Variants in CENPC observed in about 807,000 individuals in gnomAD.
CENPC encodes the protein CENP-C 1.
In CENPC, 63 loss-of-function variants were observed where a neutral mutation model predicts 112.1. The observed-to-expected ratio is 0.56, with a 90% CI of 0.46 to 0.69. CENPC has a LOEUF of 0.69. CENPC is among the 30% of genes least tolerant of loss of function. The pLI, the probability that CENPC is intolerant of heterozygous loss-of-function variation, is 0.00. For synonymous variants in CENPC, 333 were observed against 367.6 expected, an observed-to-expected ratio of 0.91 and a Z score of 1.08; for missense variants, 1,000 against 1,103.8, an observed-to-expected ratio of 0.91 and a Z score of 1.33.
Position 67,514,086 on chromosome 4 carries a change from T to C in CENPC, c.1432A>G (p.Met478Val), listed in dbSNP as rs986820147. The change falls in exon 8 of 19, where the codon ATG (methionine) becomes GTG (valine). Residue 478 changes from methionine (M) to valine (V), a missense_variant. By Grantham distance (21) the Met-to-Val change is conservative. Coordinates refer to ENST00000273853, the MANE Select transcript of CENPC (RefSeq NM_001812.4). Reference protein sequence around the residue: ...MGNDCVSKKQMPPVGSKKSST... With the variant: ...MGNDCVSKKQVPPVGSKKSST... ...TATAAACACTTACCCACAGGTGGCATCTGTTTTTTGGAAACACAATCATTT... is the reference window on the plus strand; with the variant it reads ...TATAAACACTTACCCACAGGTGGCACCTGTTTTTTGGAAACACAATCATTT... The C allele has an allele frequency of 1.9e-6, 3 of 1,593,556 alleles. No homozygotes were observed. Among genetic ancestry groups the C allele is most frequent in the African/African-American group, 2.7e-5 (2 of 74,176 alleles).
chr4:67,513,735 A>C (rs1294199949), intron 8 of CENPC, among the ~76,000 whole-genome samples: 1 of 152,162 alleles, frequency 6.6e-6, no homozygotes, highest in East Asian at 1.9e-4. Context: ...CTCTATAAAA[A>C]ATAGTCCCAC....
chr4:67,475,881 G>A (rs117838702), intron 17 of CENPC, among the ~76,000 whole-genome samples: 7,923 of 152,184 alleles, frequency 0.052, 245 homozygotes, highest in Non-Finnish European at 0.067. Context: ...GAGCCACCGC[G>A]CCCAGCCCAA....
chr4:67,531,471 T>C (rs1476749986), intron 4 of CENPC, among the ~76,000 whole-genome samples: 2 of 152,208 alleles, frequency 1.3e-5, no homozygotes, highest in Non-Finnish European at 2.9e-5. Flanking sequence ...TTTTAGAATG[T>C]TCCCTCCATT....
intron 5 of CENPC, among the ~76,000 whole-genome samples, chr4:67,529,195 A>G (rs1056766433): frequency 6.6e-6 from 1 of 152,072 alleles, no homozygotes; most frequent in Non-Finnish European, 1.5e-5. Context: ...TCTGTTGTTG[A>G]GCTGTAGAAG....
intron 2 of CENPC, among the ~76,000 whole-genome samples, chr4:67,541,345 T>C (rs1726884988): frequency 6.6e-6 from 1 of 152,190 alleles, no homozygotes; most frequent in African/African-American, 2.4e-5. Flanking sequence ...CACAAATTTT[T>C]TTGAATGAAT....
chr4:67,513,638 T>A (rs938254287), intron 8 of CENPC, among the ~76,000 whole-genome samples: 13 of 152,160 alleles, frequency 8.5e-5, no homozygotes, highest in Non-Finnish European at 1.9e-4. Context: ...GGTTAGTAAT[T>A]TTTGTGATTA....
At chr4:67,542,496 A>C (rs1726916407) in intron 2 of CENPC, among the ~76,000 whole-genome samples, 1 of 152,222 alleles carries the variant, frequency 6.6e-6, no homozygotes, top group African/African-American at 2.4e-5. Context: ...CCAGTCCAAT[A>C]ATCATCATCC....
At chr4:67,525,006 C>T (rs1726333710) in intron 5 of CENPC, among the ~76,000 whole-genome samples, 1 of 152,016 alleles carries the variant, frequency 6.6e-6, no homozygotes, top group Middle Eastern at 3.2e-3. Flanking sequence ...AGAACAGAGG[C>T]CTCAGAAATA....
chr4:67,533,079 C>A (rs1047635774), intron 4 of CENPC, among the ~76,000 whole-genome samples: 2 of 152,170 alleles, frequency 1.3e-5, no homozygotes, highest in African/African-American at 4.8e-5. Flanking sequence ...GACAGACTTA[C>A]ATGGTTTGCC....
intron 8 of CENPC, among the ~76,000 whole-genome samples, chr4:67,513,617 T>C (rs1299279699): frequency 2.6e-5 from 4 of 152,144 alleles, no homozygotes; most frequent in Non-Finnish European, 5.9e-5. Flanking sequence ...TTGTTAACAG[T>C]AGAAATAATG....
At chr4:67,494,831 C>T (rs1227461960) in intron 13 of CENPC, among the ~76,000 whole-genome samples, 1 of 152,198 alleles carries the variant, frequency 6.6e-6, no homozygotes, top group Non-Finnish European at 1.5e-5. Flanking sequence ...GAAGGAGATG[C>T]TGTCAAGGAA....
intron 9 of CENPC, 56 bp downstream of exon 9, chr4:67,512,346 C>T (rs1019174879): frequency 4.1e-6 from 5 of 1,214,316 alleles, no homozygotes; most frequent in African/African-American, 3.1e-5. Context: ...AAACATAATG[C>T]CCCTTACAGA....
In CENPC at chr4:67,471,214, TAAAG is replaced by T. The variant is rs1407962617; in HGVS notation, c.*1387_*1390del. ...TAGCAAGCAAGAATAAATATTGAAA[TAAAG>T]AACTTAAAAACTGAGCACAGACAGC... On this transcript the variant is annotated 3_prime_UTR_variant, in exon 19 of 19. Coordinates refer to ENST00000273853, the MANE Select transcript of CENPC (RefSeq NM_001812.4). 4 of 152,108 alleles carry T rather than the reference TAAAG, an allele frequency of 2.6e-5. No individual in the cohort carries two copies. Among genetic ancestry groups the T allele is most frequent in the Non-Finnish European group, 4.4e-5 (3 of 68,034 alleles). The allele number at this position is 152,108 out of a possible 1,614,324, so 9.4% of individuals were successfully genotyped here.
rs1178616193 is a variant in CENPC at position 67,468,917 on chromosome 4, C to A, written c.*3688G>T. On this transcript the variant is annotated 3_prime_UTR_variant, in exon 19 of 19. Coordinates refer to ENST00000273853, the MANE Select transcript of CENPC (RefSeq NM_001812.4). ...AGTGAGAAAAACCAAAGGTCATACACTATATTATTCCATTGCTACAACAAT... is the reference window on the plus strand; with the variant it reads ...AGTGAGAAAAACCAAAGGTCATACAATATATTATTCCATTGCTACAACAAT... 6.6e-6 allele frequency: 1 copy of A among 152,146 alleles called. No homozygotes were observed. Among genetic ancestry groups the A allele is most frequent in the African/African-American group, 2.4e-5 (1 of 41,426 alleles). 9.4% of individuals were successfully genotyped at this position (152,146 alleles called of 1,614,324 possible).
At chr4:67,498,806 A>G (rs1725511107) in intron 12 of CENPC, among the ~76,000 whole-genome samples, 1 of 152,182 alleles carries the variant, frequency 6.6e-6, no homozygotes, top group Non-Finnish European at 1.5e-5. Flanking sequence ...GTTAATATTG[A>G]TATTTTGACC....
intron 5 of CENPC, among the ~76,000 whole-genome samples, chr4:67,522,204 A>G (rs556214287): frequency 7.9e-5 from 12 of 152,376 alleles, no homozygotes; most frequent in Admixed American, 4.6e-4. Context: ...AAAATACCTG[A>G]CAACAGAAAT....
At chr4:67,520,681 GA>G (rs1222558365) in intron 5 of CENPC, among the ~76,000 whole-genome samples, 3 of 152,066 alleles carry the variant, frequency 2.0e-5, no homozygotes, top group Non-Finnish European at 4.4e-5. Flanking sequence ...CTATTACTCT[GA>G]ACACTTAACT....
At chr4:67,512,289 A>G (rs1455017489) in intron 9 of CENPC, 113 bp downstream of exon 9, 5 of 728,978 alleles carry the variant, frequency 6.9e-6, no homozygotes, top group Non-Finnish European at 1.1e-5. Flanking sequence ...TTGATGACCC[A>G]ATTTAACTTG....
rs34783469 is a variant in CENPC, at chr4:67,471,013, T to C, written c.*1592A>G. 0.22 allele frequency: 33,780 copies of C among 151,992 alleles called. 4,289 individuals carry two copies. The highest frequency in any genetic ancestry group is 0.36 in the Middle Eastern group (107 of 296). 9.4% of individuals were successfully genotyped at this position (151,992 alleles called of 1,614,324 possible). A position where few individuals can be genotyped will look rare whatever the true frequency, so the allele number is the denominator to read the frequency against. On this transcript the variant is annotated 3_prime_UTR_variant, in exon 19 of 19. Coordinates refer to ENST00000273853, the MANE Select transcript of CENPC (RefSeq NM_001812.4). ...TGCACAGGGGAGACTCAAGAGAGCA[T>C]GGCAAATGTAAAAACCAAGGGGAAT...
Sources: allele counts gnomAD v4.1 joint callset (sites outside exome capture counted in the v4.1 genomes callset), GRCh38; gene constraint gnomAD v4.1.1; transcripts MANE v1.5; gene names NCBI Gene and HGNC (gene_info 2026-07-23, HGNC 2026-07-21).